The following TRHDE variants were observed in gnomAD, a reference collection of about 807,000 sequenced individuals.
The protein encoded by TRHDE is thyrotropin-releasing hormone-degrading ectoenzyme.
In TRHDE, 72 loss-of-function variants were observed where a neutral mutation model predicts 125.7. The ratio of observed to expected loss-of-function variants is 0.57; its 90% CI spans 0.47 to 0.70. The LOEUF is 0.70. Ranked by LOEUF, TRHDE falls within the 30% of genes least tolerant of loss-of-function variation. TRHDE has a pLI of 0.00. For synonymous variants in TRHDE, 509 were observed against 509.1 expected, an observed-to-expected ratio of 1.00 and a Z score of 0.00; for missense variants, 1,110 against 1,327.1, an observed-to-expected ratio of 0.84 and a Z score of 2.54.
chr12:72,549,784 T>TA (rs1195039111), intron 7 of TRHDE, among the ~76,000 whole-genome samples: 3 of 151,720 alleles, frequency 2.0e-5, no homozygotes, highest in African/African-American at 4.8e-5. Context: ...ACAAATACTT[T>TA]AAAAAAAGTA....
intron 3 of TRHDE, among the ~76,000 whole-genome samples, chr12:72,388,656 C>G (rs1406382646): frequency 6.6e-6 from 1 of 152,118 alleles, no homozygotes; most frequent in Non-Finnish European, 1.5e-5. Flanking sequence ...AAACTCTTCT[C>G]TGTAAATAAA....
At chr12:72,512,072 G>T (rs796345789) in intron 6 of TRHDE, among the ~76,000 whole-genome samples, 1 of 152,042 alleles carries the variant, frequency 6.6e-6, no homozygotes, top group South Asian at 2.1e-4. Flanking sequence ...TTAAGAAGGT[G>T]CAATGTTGGT....
chr12:72,632,811 A>C (rs1052264109), intron 15 of TRHDE, among the ~76,000 whole-genome samples: 1 of 147,476 alleles, frequency 6.8e-6, no homozygotes, highest in African/African-American at 2.5e-5. Context: ...GGTCTTTATC[A>C]TTCTTGCCTT....
intron 2 of TRHDE, among the ~76,000 whole-genome samples, chr12:72,373,831 T>C (rs955585135): frequency 6.6e-6 from 1 of 152,214 alleles, no homozygotes; most frequent in South Asian, 2.1e-4. Flanking sequence ...AGCAAAGGAC[T>C]AGGATATGAA....
intron 2 of TRHDE, among the ~76,000 whole-genome samples, chr12:72,329,114 A>G (rs1395668071): frequency 6.6e-6 from 1 of 152,184 alleles, no homozygotes; most frequent in Non-Finnish European, 1.5e-5. Flanking sequence ...CTCTTGGGAT[A>G]TAGTAGATGT....
At chr12:72,253,792 A>C (rs1878742947) in intron 2 of TRHDE, 1 of 152,188 alleles carries the variant, frequency 6.6e-6, no homozygotes, top group Non-Finnish European at 1.5e-5. Context: ...ATTAATTGAT[A>C]TAATCATCTT....
chr12:72,195,370 G>A (rs1300819330), intron 2 of TRHDE, among the ~76,000 whole-genome samples: 8 of 152,110 alleles, frequency 5.3e-5, no homozygotes, highest in Non-Finnish European at 1.0e-4. Flanking sequence ...CCCACCAGCA[G>A]TGAGTCAACC....
intron 1 of TRHDE, among the ~76,000 whole-genome samples, chr12:72,282,776 A>G (rs942349366): frequency 6.6e-6 from 1 of 152,196 alleles, no homozygotes; most frequent in African/African-American, 2.4e-5. Flanking sequence ...ACCAATTATT[A>G]TGCTTTCTTC....
At chr12:72,112,523 C>T (rs1017406081) in intron 2 of TRHDE, among the ~76,000 whole-genome samples, 1 of 152,078 alleles carries the variant, frequency 6.6e-6, no homozygotes, top group Non-Finnish European at 1.5e-5. Flanking sequence ...ACAGTAGGTA[C>T]CACCTATTAA....
Position 72,664,980 on chromosome 12 carries a change from CATG to C in TRHDE, c.*1788_*1790del, listed in dbSNP as rs1256733915. The C allele has an allele frequency of 3.3e-5, 5 of 151,972 alleles. No homozygotes were observed. Among genetic ancestry groups the C allele is most frequent in the Non-Finnish European group, 7.4e-5 (5 of 67,954 alleles). The allele number at this position is 151,972 out of a possible 1,614,324, so 9.4% of individuals were successfully genotyped here. On this transcript the variant is annotated 3_prime_UTR_variant, in exon 19 of 19. Coordinates refer to ENST00000261180, the MANE Select transcript of TRHDE (RefSeq NM_013381.3). ...AAATATTTTACATGATGTGAATAGGCATGATAATACTTTTAGTATAAAATCTAA... is the reference window on the plus strand; with the variant it reads ...AAATATTTTACATGATGTGAATAGGCATAATACTTTTAGTATAAAATCTAA...
intron 3 of TRHDE, among the ~76,000 whole-genome samples, chr12:72,431,279 T>A (rs1430980187): frequency 6.6e-6 from 1 of 152,164 alleles, no homozygotes; most frequent in Admixed American, 6.6e-5. Flanking sequence ...AGTCAATGGA[T>A]GTACTATACT....
At chr12:72,212,398 G>T (rs1485318972) in intron 2 of TRHDE, among the ~76,000 whole-genome samples, 1 of 151,910 alleles carries the variant, frequency 6.6e-6, no homozygotes, top group Non-Finnish European at 1.5e-5. Context: ...AAACATTGTG[G>T]TATGAATAAT....
chr12:72,505,638 T>A (rs997443804), intron 6 of TRHDE, among the ~76,000 whole-genome samples: 6 of 152,104 alleles, frequency 3.9e-5, no homozygotes, highest in Non-Finnish European at 8.8e-5. Flanking sequence ...CAAACAAAAT[T>A]ACATAGAATA....
intron 2 of TRHDE, among the ~76,000 whole-genome samples, chr12:72,113,455 T>C (rs1233168907): frequency 1.3e-5 from 2 of 151,800 alleles, no homozygotes; most frequent in African/African-American, 2.4e-5. Context: ...CGAAACCCTG[T>C]TTCTGCAAAA....
intron 1 of TRHDE, among the ~76,000 whole-genome samples, chr12:72,097,430 TTCTCACTGAA>T (rs1398464720): frequency 0.052 from 990 of 19,102 alleles, 77 homozygotes; most frequent in Non-Finnish European, 0.16. Flanking sequence ...CAGTAGCATT[TTCTCACTGAA>T]TTTTTTTTTT....
intron 2 of TRHDE, among the ~76,000 whole-genome samples, chr12:72,156,544 T>G (rs111519247): frequency 1.3e-5 from 2 of 152,182 alleles, no homozygotes; most frequent in African/African-American, 4.8e-5. Context: ...CTCCACCCCA[T>G]GAGTCTTAAA....
chr12:72,162,110 A>G (rs1018177465), intron 2 of TRHDE, among the ~76,000 whole-genome samples: 1 of 152,204 alleles, frequency 6.6e-6, no homozygotes, highest in Admixed American at 6.5e-5. Flanking sequence ...TAGGCCTATC[A>G]CTGTGATTTT....
intron 6 of TRHDE, among the ~76,000 whole-genome samples, chr12:72,506,740 G>T (rs1878371376): frequency 6.6e-6 from 1 of 152,054 alleles, no homozygotes; most frequent in Admixed American, 6.6e-5. Context: ...AAGCTCCCAG[G>T]CTACCCTTGA....
intron 5 of TRHDE, among the ~76,000 whole-genome samples, chr12:72,497,953 AT>A (rs1877989075): frequency 6.8e-6 from 1 of 146,692 alleles, no homozygotes; most frequent in East Asian, 2.2e-4. Flanking sequence ...TTTATGTCAT[AT>A]TTGTCATTTA....
Sources: allele counts gnomAD v4.1 joint callset (sites outside exome capture counted in the v4.1 genomes callset), GRCh38; gene constraint gnomAD v4.1.1; transcripts MANE v1.5; gene names NCBI Gene and HGNC (gene_info 2026-07-23, HGNC 2026-07-21).